Variants in HCRTR2 observed in about 807,000 individuals in gnomAD.
HCRTR2 encodes the protein hypocretin receptor 2, also known as orexin receptor type 2.
A neutral mutation model predicts 49.0 loss-of-function variants in HCRTR2; 22 were observed. The ratio of observed to expected loss-of-function variants is 0.45; its 90% CI spans 0.32 to 0.64. HCRTR2 has a LOEUF of 0.64. HCRTR2 is among the 30% of genes least tolerant of loss of function. The probability of loss-of-function intolerance (pLI) is 0.04; values close to 1 mark genes in which losing one functional copy is unlikely to be tolerated. For missense variants in HCRTR2, 491 were observed against 559.4 expected (o/e 0.88, Z 1.23); for synonymous variants, 236 against 205.3 (o/e 1.15, Z -1.28).
At chr6:55,244,105 C>T (rs1013057445) in intron 1 of HCRTR2, among the ~76,000 whole-genome samples, 19 of 151,958 alleles carry the variant, frequency 1.3e-4, no homozygotes, top group Non-Finnish European at 4.4e-5. Flanking sequence ...CTCTGATGCT[C>T]TGTGTATTTT....
At chr6:55,215,280 T>C (rs1244580362) in intron 1 of HCRTR2, among the ~76,000 whole-genome samples, 1 of 152,126 alleles carries the variant, frequency 6.6e-6, no homozygotes, top group Non-Finnish European at 1.5e-5. Context: ...TGGGATTACA[T>C]ATTCAAAGAG....
chr6:55,237,279 T>G (rs1285644983), intron 1 of HCRTR2, among the ~76,000 whole-genome samples: 1 of 152,196 alleles, frequency 6.6e-6, no homozygotes, highest in Non-Finnish European at 1.5e-5. Flanking sequence ...ATTATCTTCT[T>G]TCACAGAGAA....
chr6:55,163,215 T>C (rs1352378349), intron 1 of HCRTR2, among the ~76,000 whole-genome samples: 1 of 151,264 alleles, frequency 6.6e-6, no homozygotes, highest in African/African-American at 2.4e-5. Flanking sequence ...CCAGCCTGAG[T>C]GACAGAGCAA....
intron 1 of HCRTR2, among the ~76,000 whole-genome samples, chr6:55,211,933 G>T (rs1765703371): frequency 6.6e-6 from 1 of 152,126 alleles, no homozygotes; most frequent in Non-Finnish European, 1.5e-5. Context: ...CCTGAGTATT[G>T]TCTGAGCAGA....
chr6:55,175,462 G>A (rs1471087695), intron 1 of HCRTR2, among the ~76,000 whole-genome samples: 1 of 152,072 alleles, frequency 6.6e-6, no homozygotes, highest in Non-Finnish European at 1.5e-5. Context: ...GTACCACAGA[G>A]ATCTCAATCA....
At chr6:55,277,005 C>G (rs1203562690) in intron 4 of HCRTR2, among the ~76,000 whole-genome samples, 1 of 152,134 alleles carries the variant, frequency 6.6e-6, no homozygotes, top group Non-Finnish European at 1.5e-5. Context: ...GGGTTTTCCT[C>G]TGCTTTAAAC....
intron 1 of HCRTR2, among the ~76,000 whole-genome samples, chr6:55,225,795 A>C (rs577757699): frequency 6.6e-6 from 1 of 152,350 alleles, no homozygotes. Flanking sequence ...ACAGAAACTA[A>C]AAGTATAATT....
chr6:55,111,559 A>G (rs1764049126), intron 1 of HCRTR2, among the ~76,000 whole-genome samples: 1 of 152,046 alleles, frequency 6.6e-6, no homozygotes, highest in Admixed American at 6.6e-5. Context: ...GAGGAGATGG[A>G]TAAGTTCCTG....
chr6:55,236,458 G>C (rs1254525593), intron 1 of HCRTR2, among the ~76,000 whole-genome samples: 1 of 152,082 alleles, frequency 6.6e-6, no homozygotes, highest in African/African-American at 2.4e-5. Context: ...TAATAAGTAT[G>C]CCCTCTGTGG....
chr6:55,225,227 T>C (rs1358405311), intron 1 of HCRTR2, among the ~76,000 whole-genome samples: 1 of 152,214 alleles, frequency 6.6e-6, no homozygotes, highest in East Asian at 1.9e-4. Context: ...TTATTATTGG[T>C]CTATGTTTAC....
At position 55,125,678 on chromosome 6, in the gene HCRTR2, C is replaced by A. The variant is rs564351435; in HGVS notation, c.-378+19133C>A. ...TTGGCCTGTCTTGCTAGGTTGGGGA[C>A]GTTTTCTTGGATAATATCCTGAAGA... On this transcript the variant is annotated intron_variant, in intron 1 of 7. Coordinates refer to the HCRTR2 transcript ENST00000615358. Among the ~76,000 whole-genome samples the A allele has an allele frequency of 3.3e-5, 5 of 152,008 alleles. No homozygotes were observed. The South Asian group carries it at 6.2e-4, about 19-fold the overall frequency.
At position 55,144,099 on chromosome 6, in the gene HCRTR2, C is replaced by CTTTTTTTTT. The variant is rs530138605; in HGVS notation, c.-377-30088_-377-30080dup. On this transcript the variant is annotated intron_variant, in intron 1 of 7. Transcript: ENST00000615358. ...GTGACGCCATTCTTTCCCGTCCTGC[C>CTTTTTTTTT]TTTTTTTTTTTTTTTTTTTTTTTTT... Among the ~76,000 whole-genome samples, 17 of 85,360 alleles carry CTTTTTTTTT rather than the reference C, an allele frequency of 2.0e-4. 3 individuals carry two copies. Among genetic ancestry groups the CTTTTTTTTT allele is most frequent in the African/African-American group, 8.6e-4 (14 of 16,362 alleles). 56.0% of individuals were successfully genotyped at this position (85,360 alleles called of 152,430 possible).
intron 1 of HCRTR2, among the ~76,000 whole-genome samples, chr6:55,138,295 T>G (rs573812299): frequency 7.2e-5 from 11 of 152,332 alleles, no homozygotes; most frequent in Non-Finnish European, 1.6e-4. Context: ...TTAAGAAAGA[T>G]ATAGTCTTCA....
chr6:55,257,313 GATTAT>G (rs1488108238), intron 3 of HCRTR2, among the ~76,000 whole-genome samples: 9 of 152,082 alleles, frequency 5.9e-5, no homozygotes, highest in Non-Finnish European at 1.3e-4. Context: ...ACCCTAGAAA[GATTAT>G]ATTATTTTTT....
intron 1 of HCRTR2, among the ~76,000 whole-genome samples, chr6:55,153,332 T>C (rs761803488): frequency 1.5e-4 from 23 of 152,046 alleles, no homozygotes; most frequent in Non-Finnish European, 2.8e-4. Context: ...CTAGATGGTA[T>C]AGCTTACTAC....
chr6:55,147,577 G>A (rs9357841), intron 1 of HCRTR2, among the ~76,000 whole-genome samples: 3,694 of 152,138 alleles, frequency 0.024, 56 homozygotes, highest in African/African-American at 0.049. Context: ...AGCAAGAGGC[G>A]GAACTGAGAT....
chr6:55,235,614 A>G (rs1766199427), intron 1 of HCRTR2, among the ~76,000 whole-genome samples: 1 of 152,072 alleles, frequency 6.6e-6, no homozygotes, highest in Non-Finnish European at 1.5e-5. Flanking sequence ...TTTAACTGTC[A>G]AATTTAGATC....
At chr6:55,169,215 T>C (rs1764915988) in intron 1 of HCRTR2, among the ~76,000 whole-genome samples, 2 of 151,780 alleles carry the variant, frequency 1.3e-5, no homozygotes, top group Admixed American at 6.6e-5. Context: ...AGGCATATAA[T>C]GGAAGCTTCG....
At chr6:55,187,221 A>T (rs1409058876) in intron 1 of HCRTR2, among the ~76,000 whole-genome samples, 1 of 151,954 alleles carries the variant, frequency 6.6e-6, no homozygotes, top group Non-Finnish European at 1.5e-5. Flanking sequence ...CCTGGCCAAC[A>T]TGGTAAAACC....
Sources: allele counts gnomAD v4.1 joint callset (sites outside exome capture counted in the v4.1 genomes callset), GRCh38; gene constraint gnomAD v4.1.1; transcripts MANE v1.5; gene names NCBI Gene and HGNC (gene_info 2026-07-23, HGNC 2026-07-21).